Variants in ONECUT2 observed in about 807,000 individuals in gnomAD.
The protein encoded by ONECUT2 is one cut homeobox 2, also known as one cut domain family member 2.
Under a neutral mutation model 27.9 loss-of-function variants are expected in ONECUT2, and 10 were observed. The observed-to-expected ratio is 0.36, with a 90% CI of 0.22 to 0.61. The LOEUF (loss-of-function observed/expected upper bound fraction) is 0.61, where lower values mean the gene tolerates loss of function less well. ONECUT2 is among the 20% of genes least tolerant of loss of function. ONECUT2 has a pLI of 0.73. For synonymous variants in ONECUT2, 334 were observed against 315.1 expected (o/e 1.06, Z -0.64); for missense variants, 686 against 721.0 (o/e 0.95, Z 0.56).
At chr18:57,467,401 T>C (rs1179573175) in intron 1 of ONECUT2, among the ~76,000 whole-genome samples, 1 of 152,104 alleles carries the variant, frequency 6.6e-6, no homozygotes, top group Non-Finnish European at 1.5e-5. Flanking sequence ...AGCCTTGCTC[T>C]GTCACCCAGG....
At position 57,467,345 on chromosome 18, in the gene ONECUT2, G is replaced by GT. The variant is rs869129294; in HGVS notation, c.1229-9082dup. On this transcript the variant is annotated intron_variant, in intron 1 of 1. Transcript: ENST00000491143. ...CCATTGATCATCCACATTTCCTTTGGTTTTTTTTTTGTTTGTTTGTTTGTT... is the reference window on the plus strand; with the variant it reads ...CCATTGATCATCCACATTTCCTTTGGTTTTTTTTTTTGTTTGTTTGTTTGTT... The GT allele has an allele frequency of 9.0e-3, 2,004 of 222,798 alleles. 2 individuals are homozygous for GT. Among genetic ancestry groups the GT allele is most frequent in the East Asian group, 0.017 (127 of 7,402 alleles). The allele number at this position is 222,798 out of a possible 1,614,324, so 13.8% of individuals were successfully genotyped here.
chr18:57,437,996 T>C (rs1352829011), intron 1 of ONECUT2, among the ~76,000 whole-genome samples: 1 of 152,272 alleles, frequency 6.6e-6, no homozygotes, highest in East Asian at 1.9e-4. Context: ...TACATTGTTC[T>C]GGAGCCGGCT....
intron 1 of ONECUT2, among the ~76,000 whole-genome samples, chr18:57,437,934 GA>G (rs1182345620): frequency 1.3e-5 from 2 of 152,242 alleles, no homozygotes; most frequent in Non-Finnish European, 2.9e-5. Context: ...CGCGCCTGGC[GA>G]CCGCGGGGAG....
chr18:57,448,455 G>A (rs530359043), intron 1 of ONECUT2, among the ~76,000 whole-genome samples: 78 of 152,326 alleles, frequency 5.1e-4, no homozygotes, highest in Middle Eastern at 6.8e-3. Context: ...GTTTCTGTGT[G>A]TCTAAATGCC....
rs1285572859 is a variant in ONECUT2, at chr18:57,481,985, G to C, written c.*5262G>C. On this transcript the variant is annotated 3_prime_UTR_variant, in exon 2 of 2. Transcript: ENST00000491143. The stretch of plus-strand genomic sequence containing the variant: ...AAATGGTAGATGAAGAAGGGGTAGA[G>C]CTGGTGTATCTATAACTTTCTGATA... 1 of 152,180 alleles carries C rather than the reference G, an allele frequency of 6.6e-6. No individual in the cohort carries two copies. The highest frequency in any genetic ancestry group is 1.5e-5 in the Non-Finnish European group (1 of 68,030). 9.4% of individuals were successfully genotyped at this position (152,180 alleles called of 1,614,324 possible).
chr18:57,457,310 C>T (rs1222603347), intron 1 of ONECUT2, among the ~76,000 whole-genome samples: 2 of 152,176 alleles, frequency 1.3e-5, no homozygotes, highest in Non-Finnish European at 2.9e-5. Flanking sequence ...ACCAGGTTTC[C>T]AAACTCCAGC....
chr18:57,446,863 A>G (rs2050202622), intron 1 of ONECUT2, among the ~76,000 whole-genome samples: 1 of 152,220 alleles, frequency 6.6e-6, no homozygotes, highest in Non-Finnish European at 1.5e-5. Flanking sequence ...AAAGCAAAAA[A>G]TAGCCGTGGG....
At chr18:57,455,444 G>A (rs2050253871) in intron 1 of ONECUT2, among the ~76,000 whole-genome samples, 1 of 152,094 alleles carries the variant, frequency 6.6e-6, no homozygotes, top group Non-Finnish European at 1.5e-5. Context: ...TTGTCCTAGT[G>A]GTTTCATGGC....
At chr18:57,458,741 AC>A (rs1390222626) in intron 1 of ONECUT2, among the ~76,000 whole-genome samples, 1 of 152,168 alleles carries the variant, frequency 6.6e-6, no homozygotes, top group Non-Finnish European at 1.5e-5. Flanking sequence ...TAGGGTGGAC[AC>A]CGAGAAGCAA....
rs778121953 is a variant in ONECUT2 at position 57,435,816 on chromosome 18, G to A, written c.100G>A (p.Gly34Arg). 5 of 1,130,842 alleles carry A rather than the reference G, an allele frequency of 4.4e-6. No homozygotes were observed. Among genetic ancestry groups the A allele is most frequent in the Non-Finnish European group, 5.5e-6 (5 of 905,510 alleles). 70.1% of individuals were successfully genotyped at this position (1,130,842 alleles called of 1,614,324 possible). Reference protein sequence around the residue: ...LTMESLGTLHGPAGGGSGGGG... With the variant: ...LTMESLGTLHRPAGGGSGGGG... ...AATGGAAAGTCTGGGCACTTTGCAC[G>A]GGCCGGCCGGCGGCGGCAGTGGCGG... is the stretch of plus-strand genomic sequence containing the variant. Residue 34 changes from glycine to arginine, a missense_variant, in exon 1 of 2, where the codon GGG becomes AGG. Gly to Arg is a moderately radical substitution (Grantham distance 125). This residue lies in a region of ONECUT2 where 511 missense variants were observed against 488.1 expected (regional missense o/e 1.05). Coordinates refer to ENST00000491143, the MANE Select transcript of ONECUT2 (RefSeq NM_004852.3).
At chr18:57,450,783 A>C (rs547063899) in intron 1 of ONECUT2, among the ~76,000 whole-genome samples, 1 of 152,348 alleles carries the variant, frequency 6.6e-6, no homozygotes, top group East Asian at 1.9e-4. Flanking sequence ...GAGATACTGC[A>C]AGTGCTTAGG....
chr18:57,436,022 G>A lies in ONECUT2; in HGVS notation c.306G>A (p.Ser102=). The A allele has an allele frequency of 6.5e-7, 1 of 1,537,910 alleles. No individual in the cohort carries two copies. Among genetic ancestry groups the A allele is most frequent in the Middle Eastern group, 1.9e-4 (1 of 5,296 alleles). Residue 102 remains serine (S), a synonymous_variant, in exon 1 of 2, where the codon TCG becomes TCA. Coordinates refer to ENST00000491143, the MANE Select transcript of ONECUT2 (RefSeq NM_004852.3). The surrounding 1 kb of genome is among the most constrained non-coding windows in gnomAD (Gnocchi z 5.9). Reference sequence around the variant, plus strand: ...CGGCAGCGGCGGCAGCGGCGGCGTCGCGCTCGGCCATGGTCACCAGCATGG... The same window carrying A: ...CGGCAGCGGCGGCAGCGGCGGCGTCACGCTCGGCCATGGTCACCAGCATGG... ...GTAAAAAAAA[S]RSAMVTSMAS...
chr18:57,463,136 G>T lies in ONECUT2; in HGVS notation c.1229-13301G>T, dbSNP rs945681392. ...GTGTATGACATGAGGTAGGGGTCAA[G>T]AATTACATTGTGACACAATGCCTAT... On this transcript the variant is annotated intron_variant, in intron 1 of 1. Coordinates refer to ENST00000491143, the MANE Select transcript of ONECUT2 (RefSeq NM_004852.3). Among the ~76,000 whole-genome samples the T allele has an allele frequency of 3.3e-5, 5 of 152,196 alleles. No homozygotes were observed. In the South Asian group the frequency reaches 1.0e-3, roughly 32 times the overall value.
intron 1 of ONECUT2, among the ~76,000 whole-genome samples, chr18:57,449,529 C>T (rs2050218467): frequency 6.6e-6 from 1 of 152,170 alleles, no homozygotes; most frequent in Admixed American, 6.5e-5. Context: ...AAGGGAATCT[C>T]AAAGTAGGAT....
intron 1 of ONECUT2, among the ~76,000 whole-genome samples, chr18:57,439,692 G>T (rs970435095): frequency 6.6e-5 from 10 of 152,348 alleles, no homozygotes; most frequent in Admixed American, 6.5e-4. Flanking sequence ...ACGCCGCAGA[G>T]GGCCCTCGCC....
chr18:57,484,911 G>A lies in ONECUT2; in HGVS notation c.*8188G>A, dbSNP rs658446. ...CCTTTAGCAATGAGCAGGGACTGGGGTTTATCTCTTAACATTTTCAGCTGT... is the reference window on the plus strand; with the variant it reads ...CCTTTAGCAATGAGCAGGGACTGGGATTTATCTCTTAACATTTTCAGCTGT... On this transcript the variant is annotated 3_prime_UTR_variant, in exon 2 of 2. Coordinates refer to ENST00000491143, the MANE Select transcript of ONECUT2 (RefSeq NM_004852.3). The A allele has an allele frequency of 0.1, 15,361 of 152,134 alleles. 840 individuals carry two copies. The highest frequency in any genetic ancestry group is 0.2 in the Middle Eastern group (59 of 292). 9.4% of individuals were successfully genotyped at this position (152,134 alleles called of 1,614,324 possible).
intron 1 of ONECUT2, among the ~76,000 whole-genome samples, chr18:57,463,363 C>G (rs2050303449): frequency 6.6e-6 from 1 of 152,308 alleles, no homozygotes; most frequent in African/African-American, 2.4e-5. Context: ...GTAGTTGAAA[C>G]AGAAAGTTGT....
chr18:57,471,069 A>G (rs1306491924), intron 1 of ONECUT2, among the ~76,000 whole-genome samples: 1 of 152,230 alleles, frequency 6.6e-6, no homozygotes, highest in Non-Finnish European at 1.5e-5. Context: ...AGCACAGGAC[A>G]CCACGGGGCC....
chr18:57,436,508 G>T lies in ONECUT2; in HGVS notation c.792G>T (p.Ala264=), dbSNP rs199913316. 2.8e-4 allele frequency: 447 copies of T among 1,613,208 alleles called. 2 individuals are homozygous for T. In the African/African-American group the frequency reaches 4.6e-3, roughly 17 times the overall value. ...HDKMLSPNFD[A]HHTAMLTRGE... is the part of the protein sequence containing the mutation. ...AAATGCTCAGCCCCAACTTCGACGC[G>T]CACCACACTGCCATGCTGACCCGCG... Residue 264 remains alanine, a synonymous_variant, in exon 1 of 2, where the codon GCG becomes GCT. Transcript: ENST00000491143. The surrounding 1 kb of genome is among the most constrained non-coding windows in gnomAD (Gnocchi z 5.9).
Sources: allele counts gnomAD v4.1 joint callset (sites outside exome capture counted in the v4.1 genomes callset), GRCh38; gene constraint gnomAD v4.1.1; regional missense constraint gnomAD v4.1.1; non-coding constraint Gnocchi (gnomAD v3.1); transcripts MANE v1.5; gene names NCBI Gene and HGNC (gene_info 2026-07-23, HGNC 2026-07-21).